The following NATD1 variants were observed in gnomAD, a reference collection of about 807,000 sequenced individuals.
The protein encoded by NATD1 is N-acetyltransferase domain containing 1, also known as protein NATD1.
NATD1 carries 9 observed loss-of-function variants against 12.0 expected under a neutral mutation model. That is an observed-to-expected ratio of 0.75 (90% CI 0.45 to 1.30). The LOEUF is 1.30. NATD1 is among the 50% of genes most tolerant of loss of function. NATD1 has a pLI of 0.00. For missense variants in NATD1, 148 were observed against 148.5 expected (o/e 1.00, Z 0.02); for synonymous variants, 71 against 65.9 (o/e 1.08, Z -0.37).
Position 21,239,005 on chromosome 17 carries a change from T to C in NATD1, c.*4308A>G, listed in dbSNP as rs1293740364. On this transcript the variant is annotated 3_prime_UTR_variant, in exon 3 of 3. Transcript: ENST00000611551. ...AGTCACAGCCTTGCCGGAACTCTTA[T>C]GTAAAGTTTAGGGCATTGGATCTGG... 1 of 152,162 alleles carries C rather than the reference T, an allele frequency of 6.6e-6. No individual in the cohort carries two copies. The highest frequency in any genetic ancestry group is 6.5e-5 in the Admixed American group (1 of 15,284). The allele number at this position is 152,162 out of a possible 1,614,324, so 9.4% of individuals were successfully genotyped here.
intron 1 of NATD1, among the ~76,000 whole-genome samples, chr17:21,248,144 G>C (rs145263530): frequency 1.7e-3 from 254 of 152,306 alleles, no homozygotes; most frequent in African/African-American, 5.2e-3. Context: ...GAGGAGCCAG[G>C]CTCCTGGGCA....
rs955122546 is a variant in NATD1 at position 21,244,289 on chromosome 17, C to A, written c.107-65G>T. 7.0e-7 allele frequency: 1 copy of A among 1,425,298 alleles called. No individual in the cohort carries two copies. Among genetic ancestry groups the A allele is most frequent in the South Asian group, 1.3e-5 (1 of 79,146 alleles). The allele number at this position is 1,425,298 out of a possible 1,614,324, so 88.3% of individuals were successfully genotyped here. A position where few individuals can be genotyped will look rare whatever the true frequency, so the allele number is the denominator to read the frequency against. On this transcript the variant is annotated intron_variant, in intron 1 of 2. Coordinates refer to ENST00000611551, the MANE Select transcript of NATD1 (RefSeq NM_152914.3). This position sits in a 1 kb window ranked among gnomAD's most constrained non-coding sequence, Gnocchi z 5.2. ...ATCCCAGCGGACTCAGGCACCAAGA[C>A]GGGTGGAGGGACAGGCATTTGGAGT...
intron 1 of NATD1, among the ~76,000 whole-genome samples, 199 bp downstream of exon 1, chr17:21,252,960 C>T (rs71373617): frequency 0.25 from 37,228 of 151,048 alleles, 4,825 homozygotes; most frequent in Non-Finnish European, 0.3. Flanking sequence ...CCCACCTGGC[C>T]CCGAGCACAA....
intron 2 of NATD1, 29 bp from the exon 3 acceptor site, chr17:21,243,458 C>A: frequency 1.3e-6 from 2 of 1,565,164 alleles, no homozygotes; most frequent in South Asian, 1.1e-5. Context: ...GGAGAGTGGT[C>A]AGGGCCTGCA....
chr17:21,250,701 G>C (rs537138197), intron 1 of NATD1, among the ~76,000 whole-genome samples: 48 of 152,190 alleles, frequency 3.2e-4, no homozygotes, highest in Non-Finnish European at 6.8e-4. Context: ...ATGAAATAAA[G>C]TGACTCCAGG....
At chr17:21,252,526 T>C (rs913142227) in intron 1 of NATD1, among the ~76,000 whole-genome samples, 2 of 152,120 alleles carry the variant, frequency 1.3e-5, no homozygotes, top group Non-Finnish European at 2.9e-5. Flanking sequence ...CACACAGAAG[T>C]GAGGCAAATG....
Position 21,244,196 on chromosome 17 carries a change from A to G in NATD1, c.135T>C (p.Tyr45=), listed in dbSNP as rs1393007318. The change falls in exon 2 of 3, where the codon TAT becomes TAC. Residue 45 remains tyrosine, a synonymous_variant. Coordinates refer to ENST00000611551, the MANE Select transcript of NATD1 (RefSeq NM_152914.3). This position sits in a 1 kb window ranked among gnomAD's most constrained non-coding sequence, Gnocchi z 5.2. Reference sequence around the variant, plus strand: ...CCACGATCCGCTTGCCCACGTACTCATAGAGCAGGACGGCCCGGTCATGAC... The same window carrying G: ...CCACGATCCGCTTGCCCACGTACTCGTAGAGCAGGACGGCCCGGTCATGAC... ...NGCHDRAVLL[Y]EYVGKRIVDL... The G allele has an allele frequency of 2.5e-6, 4 of 1,613,092 alleles. No individual in the cohort carries two copies. The South Asian group carries it at 3.3e-5, about 13-fold the overall frequency.
In NATD1 at chr17:21,244,490, G is replaced by C. The variant is rs1177320745; in HGVS notation, c.107-266C>G. ...ACACTTGAGCCCCACATGAACCTTT[G>C]CTACTGCGTCAGTCCTAGCATCCCA... On this transcript the variant is annotated intron_variant, in intron 1 of 2. Transcript: ENST00000611551. The surrounding 1 kb of genome is among the most constrained non-coding windows in gnomAD (Gnocchi z 5.2). Among the ~76,000 whole-genome samples the C allele has an allele frequency of 6.6e-6, 1 of 152,070 alleles. No homozygotes were observed. Among genetic ancestry groups the C allele is most frequent in the East Asian group, 1.9e-4 (1 of 5,192 alleles).
intron 1 of NATD1, among the ~76,000 whole-genome samples, chr17:21,251,956 T>A (rs1975380546): frequency 6.6e-6 from 1 of 152,208 alleles, no homozygotes; most frequent in Non-Finnish European, 1.5e-5. Flanking sequence ...TCATAGCCCT[T>A]GTTTTTGTAG....
In NATD1 at chr17:21,244,515, AG is replaced by A. The variant is rs2144359781; in HGVS notation, c.107-292del. Among the ~76,000 whole-genome samples the A allele has an allele frequency of 6.6e-6, 1 of 152,020 alleles. No individual in the cohort carries two copies. The highest frequency in any genetic ancestry group is 2.1e-4 in the South Asian group (1 of 4,802). ...GCTACTGCGTCAGTCCTAGCATCCCAGGGCCCTGCCACCCCTTTCTGTAGCC... is the reference window on the plus strand; with the variant it reads ...GCTACTGCGTCAGTCCTAGCATCCCAGGCCCTGCCACCCCTTTCTGTAGCC... On this transcript the variant is annotated intron_variant, in intron 1 of 2. Transcript: ENST00000611551. The surrounding 1 kb of genome is among the most constrained non-coding windows in gnomAD (Gnocchi z 5.2).
chr17:21,244,220 A>G lies in NATD1; in HGVS notation c.111T>C (p.Cys37=). The change falls in exon 2 of 3, where the codon TGT becomes TGC. Residue 37 remains cysteine (C), a synonymous_variant. Transcript: ENST00000611551. The surrounding 1 kb of genome is among the most constrained non-coding windows in gnomAD (Gnocchi z 5.2). ...CATAGAGCAGGACGGCCCGGTCATG[A>G]CATCCTGGGGGTTGTGGAGACAGGT... ...RRQFTVRLNG[C]HDRAVLLYEY... is the part of the protein sequence containing the mutation. The G allele has an allele frequency of 6.2e-7, 1 of 1,611,138 alleles. No homozygotes were observed. Among genetic ancestry groups the G allele is most frequent in the East Asian group, 2.2e-5 (1 of 44,634 alleles).
In NATD1 at chr17:21,253,168, G is replaced by A. The variant is rs1406877256; in HGVS notation, c.97C>T (p.Arg33Trp). 5 of 1,020,644 alleles carry A rather than the reference G, an allele frequency of 4.9e-6. No homozygotes were observed. Among genetic ancestry groups the A allele is most frequent in the African/African-American group, 1.7e-5 (1 of 57,410 alleles). The allele number at this position is 1,020,644 out of a possible 1,614,324, so 63.2% of individuals were successfully genotyped here. A position where few individuals can be genotyped will look rare whatever the true frequency, so the allele number is the denominator to read the frequency against. Reference sequence around the variant, plus strand: ...GCCGGGGCCGCCTTACCGTTGAGCCGGACAGTGAACTGGCGGCGCCGGCGG... The same window carrying A: ...GCCGGGGCCGCCTTACCGTTGAGCCAGACAGTGAACTGGCGGCGCCGGCGG... ...HDRRRRQFTV[R>W]LNGCHDRAVL... is the part of the protein sequence containing the mutation. The change falls in exon 1 of 3, where the codon CGG (arginine) becomes TGG (tryptophan). Residue 33 changes from arginine (R) to tryptophan (W), a missense_variant. Arg to Trp is a moderately radical substitution (Grantham distance 101). Transcript: ENST00000611551.
In NATD1 at chr17:21,244,981, C is replaced by T. The variant is rs190615854; in HGVS notation, c.107-757G>A. 1.3e-5 allele frequency among the ~76,000 whole-genome samples: 2 copies of T among 152,348 alleles called. No homozygotes were observed. Among genetic ancestry groups the T allele is most frequent in the East Asian group, 1.9e-4 (1 of 5,190 alleles). The stretch of plus-strand genomic sequence containing the variant: ...CCAAATGTTTCCTGAGCCCCAGGTA[C>T]TGTTTCAGATGCTGGGAGTATAGCA... On this transcript the variant is annotated intron_variant, in intron 1 of 2. Coordinates refer to ENST00000611551, the MANE Select transcript of NATD1 (RefSeq NM_152914.3). The surrounding 1 kb of genome is among the most constrained non-coding windows in gnomAD (Gnocchi z 5.2).
rs1975397092 is a variant in NATD1 at position 21,253,274 on chromosome 17, G to A, written c.-10C>T. 9.1e-6 allele frequency: 9 copies of A among 986,254 alleles called. No homozygotes were observed. Among genetic ancestry groups the A allele is most frequent in the Non-Finnish European group, 1.1e-5 (9 of 830,834 alleles). 61.1% of individuals were successfully genotyped at this position (986,254 alleles called of 1,614,324 possible). A position where few individuals can be genotyped will look rare whatever the true frequency, so the allele number is the denominator to read the frequency against. ...CAGCCGAGTGCGCCATCTGCGCGCGGGGCTGCGGCGCGGCGCCGGCGGGGG... is the reference window on the plus strand; with the variant it reads ...CAGCCGAGTGCGCCATCTGCGCGCGAGGCTGCGGCGCGGCGCCGGCGGGGG... On this transcript the variant is annotated 5_prime_UTR_variant, in exon 1 of 3. Coordinates refer to ENST00000611551, the MANE Select transcript of NATD1 (RefSeq NM_152914.3).
intron 1 of NATD1, among the ~76,000 whole-genome samples, chr17:21,245,424 T>C (rs1219861295): frequency 6.6e-6 from 1 of 152,172 alleles, no homozygotes; most frequent in African/African-American, 2.4e-5. Flanking sequence ...CCTTAAAGCC[T>C]GTGCTGGGCA....
intron 2 of NATD1, 80 bp from the exon 3 acceptor site, chr17:21,243,509 C>T: frequency 8.8e-7 from 1 of 1,133,302 alleles, no homozygotes; most frequent in East Asian, 2.4e-5. Flanking sequence ...CCTCCCCAGG[C>T]CCGGCTCCCT....
At chr17:21,245,347 T>G (rs139527793) in intron 1 of NATD1, among the ~76,000 whole-genome samples, 138 of 152,270 alleles carry the variant, frequency 9.1e-4, no homozygotes, top group Non-Finnish European at 1.6e-3. Context: ...AAGGGACAGA[T>G]GTGATTCACT....
chr17:21,248,700 T>C (rs1294510003), intron 1 of NATD1, among the ~76,000 whole-genome samples: 1 of 152,034 alleles, frequency 6.6e-6, no homozygotes, highest in African/African-American at 2.4e-5. Context: ...CCCAGGCCCT[T>C]ATCTGGGCAG....
Position 21,243,234 on chromosome 17 carries a change from G to C in NATD1, c.*79C>G, listed in dbSNP as rs1003824420. 8.8e-7 allele frequency: 1 copy of C among 1,131,536 alleles called. No individual in the cohort carries two copies. The highest frequency in any genetic ancestry group is 1.3e-6 in the Non-Finnish European group (1 of 775,894). 70.1% of individuals were successfully genotyped at this position (1,131,536 alleles called of 1,614,324 possible). On this transcript the variant is annotated 3_prime_UTR_variant, in exon 3 of 3. Coordinates refer to ENST00000611551, the MANE Select transcript of NATD1 (RefSeq NM_152914.3). ...TCTGAGTCTGTTCCCAGTGGGACCA[G>C]GTTCCTGAGAGCACGTGGGGCCAGG...
Sources: allele counts gnomAD v4.1 joint callset (sites outside exome capture counted in the v4.1 genomes callset), GRCh38; gene constraint gnomAD v4.1.1; non-coding constraint Gnocchi (gnomAD v3.1); transcripts MANE v1.5; gene names NCBI Gene and HGNC (gene_info 2026-07-23, HGNC 2026-07-21).